ABI1: variants seen among roughly 807,000 people sequenced by gnomAD.
ABI1 encodes abl interactor 1, also known as Abelson interactor 1.
ABI1 carries 14 observed loss-of-function variants against 54.6 expected under a neutral mutation model. The observed-to-expected ratio is 0.26, with a 90% CI of 0.17 to 0.40. The LOEUF (loss-of-function observed/expected upper bound fraction) is 0.40. Ranked by LOEUF, ABI1 falls within the 10% of genes least tolerant of loss-of-function variation. The pLI is 1.00. For missense variants in ABI1, 443 were observed against 598.3 expected, an observed-to-expected ratio of 0.74 and a Z score of 2.71; for synonymous variants, 194 against 209.3, an observed-to-expected ratio of 0.93 and a Z score of 0.63.
At chr10:26,758,131 T>A (rs2132512972) in intron 8 of ABI1, among the ~76,000 whole-genome samples, 1 of 145,710 alleles carries the variant, frequency 6.9e-6, no homozygotes, top group East Asian at 2.0e-4. Context: ...CATATACAGG[T>A]CATTCATTAT....
At chr10:26,780,906 G>C (rs1210084132) in intron 2 of ABI1, among the ~76,000 whole-genome samples, 1 of 152,174 alleles carries the variant, frequency 6.6e-6, no homozygotes, top group African/African-American at 2.4e-5. Flanking sequence ...GGGGCTCTTT[G>C]GACCATTCAA....
intron 2 of ABI1, 45 bp from the exon 3 acceptor site, chr10:26,777,286 A>G (rs1841531264): frequency 6.7e-7 from 1 of 1,493,936 alleles, no homozygotes; most frequent in Non-Finnish European, 9.1e-7. Context: ...ATTTGACATA[A>G]TATGTTTGCT....
At chr10:26,773,609 C>T (rs576633950) in intron 3 of ABI1, among the ~76,000 whole-genome samples, 1 of 152,250 alleles carries the variant, frequency 6.6e-6, no homozygotes, top group Admixed American at 6.5e-5. Context: ...AGTTTCTACA[C>T]TGTTTTAAAA....
At chr10:26,850,896 G>T (rs2050332687) in intron 1 of ABI1, among the ~76,000 whole-genome samples, 2 of 152,104 alleles carry the variant, frequency 1.3e-5, no homozygotes, top group African/African-American at 4.8e-5. Context: ...ACAGCTTGAG[G>T]TGAGATGTGT....
chr10:26,814,481 C>T (rs909857428), intron 2 of ABI1, among the ~76,000 whole-genome samples: 1 of 152,134 alleles, frequency 6.6e-6, no homozygotes, highest in East Asian at 1.9e-4. Context: ...AAAGCAAATA[C>T]TTTAATTGTG....
intron 2 of ABI1, among the ~76,000 whole-genome samples, chr10:26,798,478 G>A (rs541985875): frequency 8.6e-5 from 13 of 151,936 alleles, no homozygotes; most frequent in Non-Finnish European, 1.9e-4. Flanking sequence ...TCTAGAAGCT[G>A]AAAAAAGGCA....
intron 1 of ABI1, among the ~76,000 whole-genome samples, chr10:26,832,311 A>C (rs1381010173): frequency 6.6e-6 from 1 of 152,172 alleles, no homozygotes; most frequent in Admixed American, 6.6e-5. Context: ...GGCCGGGCGC[A>C]GTGGCTCACT....
At position 26,809,818 on chromosome 10, in the gene ABI1, TG is replaced by T. The variant is rs567858742; in HGVS notation, c.285+13319del. ...AGCTTGCCTGGTGGAGCTCCCTGGA[TG>T]GTGAACACGCTGATGAGCAAGGAGG... On this transcript the variant is annotated intron_variant, in intron 2 of 10. Coordinates refer to ENST00000376140, the MANE Select transcript of ABI1 (RefSeq NM_001012750.3). 3.9e-5 allele frequency among the ~76,000 whole-genome samples: 6 copies of T among 152,250 alleles called. No individual in the cohort carries two copies. The South Asian group carries it at 1.2e-3, about 32-fold the overall frequency.
intron 2 of ABI1, among the ~76,000 whole-genome samples, chr10:26,801,123 A>C (rs1048864427): frequency 2.0e-5 from 3 of 152,256 alleles, no homozygotes; most frequent in African/African-American, 7.2e-5. Context: ...CTTTCCTATG[A>C]AACTACTGGA....
chr10:26,847,452 T>C (rs532248090), intron 1 of ABI1, among the ~76,000 whole-genome samples: 5 of 152,142 alleles, frequency 3.3e-5, no homozygotes, highest in Non-Finnish European at 5.9e-5. Context: ...TGAAACCCTG[T>C]CCTTAACAAA....
chr10:26,856,729 T>A (rs184448453), intron 1 of ABI1, among the ~76,000 whole-genome samples: 57 of 152,194 alleles, frequency 3.7e-4, no homozygotes, highest in Admixed American at 6.5e-4. Flanking sequence ...AAAATAAAAT[T>A]AAATTTTAAA....
chr10:26,748,335 A>C lies in ABI1; in HGVS notation c.*235T>G. The stretch of plus-strand genomic sequence containing the variant: ...GCTGGTCATAAAGTTAAAAATGTGT[A>C]AGTAAGTACATAAGCATAATCAGTT... On this transcript the variant is annotated 3_prime_UTR_variant, in exon 11 of 11. Coordinates refer to ENST00000376140, the MANE Select transcript of ABI1 (RefSeq NM_001012750.3). 2.7e-6 allele frequency: 1 copy of C among 372,170 alleles called. No homozygotes were observed. 23.1% of individuals were successfully genotyped at this position (372,170 alleles called of 1,614,324 possible). A position where few individuals can be genotyped will look rare whatever the true frequency, so the allele number is the denominator to read the frequency against.
chr10:26,837,597 A>G (rs535758804), intron 1 of ABI1, among the ~76,000 whole-genome samples: 1 of 152,226 alleles, frequency 6.6e-6, no homozygotes, highest in South Asian at 2.1e-4. Flanking sequence ...TATAATTAGT[A>G]TTTAATTTTC....
chr10:26,812,914 A>C (rs528799355), intron 2 of ABI1, among the ~76,000 whole-genome samples: 1 of 152,268 alleles, frequency 6.6e-6, no homozygotes, highest in South Asian at 2.1e-4. Flanking sequence ...CACACAACTC[A>C]GCCAGTAAGT....
chr10:26,856,433 C>CAAAAAA (rs58195958), intron 1 of ABI1, among the ~76,000 whole-genome samples: 16 of 57,770 alleles, frequency 2.8e-4, no homozygotes, highest in African/African-American at 5.5e-4. Context: ...ATCTGTTACT[C>CAAAAAA]AAAAAAAAAA....
At chr10:26,793,545 G>A (rs1298686175) in intron 2 of ABI1, among the ~76,000 whole-genome samples, 1 of 152,144 alleles carries the variant, frequency 6.6e-6, no homozygotes, top group Non-Finnish European at 1.5e-5. Context: ...CTAACATTCT[G>A]GCCCACGTCT....
chr10:26,838,328 TA>T (rs1256554610), intron 1 of ABI1, among the ~76,000 whole-genome samples: 1 of 152,034 alleles, frequency 6.6e-6, no homozygotes, highest in Non-Finnish European at 1.5e-5. Flanking sequence ...GGCCAACTCT[TA>T]ATCTTTCACA....
At chr10:26,825,021 T>C (rs2048219991) in intron 1 of ABI1, among the ~76,000 whole-genome samples, 1 of 152,168 alleles carries the variant, frequency 6.6e-6, no homozygotes, top group African/African-American at 2.4e-5. Context: ...AGAGTCCTAA[T>C]ATTTGTGTGC....
intron 6 of ABI1, among the ~76,000 whole-genome samples, chr10:26,767,040 G>C (rs1840050782): frequency 6.6e-6 from 1 of 152,072 alleles, no homozygotes; most frequent in Non-Finnish European, 1.5e-5. Flanking sequence ...GAAAAAGTTT[G>C]CTGATCCCTG....
Sources: allele counts gnomAD v4.1 joint callset (sites outside exome capture counted in the v4.1 genomes callset), GRCh38; gene constraint gnomAD v4.1.1; transcripts MANE v1.5; gene names NCBI Gene and HGNC (gene_info 2026-07-23, HGNC 2026-07-21).